The following GTF2F1 variants were observed in gnomAD, a reference collection of about 807,000 sequenced individuals.
GTF2F1 encodes the protein general transcription factor IIF subunit 1, also known as general transcription factor IIF 74 kDa subunit.
GTF2F1 carries 39 observed loss-of-function variants against 63.5 expected under a neutral mutation model. The ratio of observed to expected loss-of-function variants is 0.61; its 90% CI spans 0.48 to 0.80. The LOEUF (loss-of-function observed/expected upper bound fraction) is 0.80. Ranked by LOEUF, GTF2F1 falls within the 30% of genes least tolerant of loss-of-function variation. The probability of loss-of-function intolerance (pLI) is 0.00; values close to 1 mark genes in which losing one functional copy is unlikely to be tolerated. For synonymous variants in GTF2F1, 287 were observed against 285.3 expected (o/e 1.01, Z -0.06); for missense variants, 657 against 718.3 (o/e 0.91, Z 0.97).
chr19:6,389,647 C>T lies in GTF2F1; in HGVS notation c.133-10G>A. The T allele has an allele frequency of 1.9e-6, 3 of 1,611,478 alleles. No homozygotes were observed. Among genetic ancestry groups the T allele is most frequent in the Non-Finnish European group, 8.5e-7 (1 of 1,179,058 alleles). ...CCCGCTCCAGCCGAGCCTAGGGGAG[C>T]AGGAAGCAAAGCCTCTCAGGGTCCC... On this transcript the variant is annotated splice_polypyrimidine_tract_variant and intron_variant, in intron 3 of 12. Transcript: ENST00000394456.
intron 3 of GTF2F1, 55 bp downstream of exon 3, chr19:6,391,847 A>G: frequency 1.2e-6 from 1 of 860,492 alleles, no homozygotes; most frequent in Admixed American, 2.5e-5. Flanking sequence ...CACCAAGGTC[A>G]GGGTCAAGTT....
intron 5 of GTF2F1, chr19:6,387,168 T>G: frequency 1.9e-6 from 1 of 529,288 alleles, no homozygotes; most frequent in Non-Finnish European, 3.3e-6. Flanking sequence ...GAGCTCCGGG[T>G]CACAGACTCT....
intron 6 of GTF2F1, among the ~76,000 whole-genome samples, chr19:6,382,321 C>A (rs1249914974): frequency 6.6e-6 from 1 of 151,914 alleles, no homozygotes; most frequent in Non-Finnish European, 1.5e-5. Flanking sequence ...TGAGTGAGAC[C>A]CCAGTCTCTA....
Position 6,391,829 on chromosome 19 carries a change from A to G in GTF2F1, c.132+73T>C, listed in dbSNP as rs1270492525. 4 of 733,362 alleles carry G rather than the reference A, an allele frequency of 5.5e-6. No individual in the cohort carries two copies. In the East Asian group the frequency reaches 1.1e-4, roughly 20 times the overall value. 45.4% of individuals were successfully genotyped at this position (733,362 alleles called of 1,614,324 possible). A position where few individuals can be genotyped will look rare whatever the true frequency, so the allele number is the denominator to read the frequency against. ...TAGTGACTATGACAGTTAAGCAACT[A>G]TCACAACCACCAAGGTCAGGGTCAA... On this transcript the variant is annotated intron_variant, in intron 3 of 12. Transcript: ENST00000394456.
chr19:6,380,831 T>C lies in GTF2F1; in HGVS notation c.1231+73A>G, dbSNP rs1224330503. 6.6e-7 allele frequency: 1 copy of C among 1,504,802 alleles called. No individual in the cohort carries two copies. The highest frequency in any genetic ancestry group is 8.9e-7 in the Non-Finnish European group (1 of 1,125,200). 93.2% of individuals were successfully genotyped at this position (1,504,802 alleles called of 1,614,324 possible). A position where few individuals can be genotyped will look rare whatever the true frequency, so the allele number is the denominator to read the frequency against. On this transcript the variant is annotated intron_variant, in intron 11 of 12. Coordinates refer to ENST00000394456, the MANE Select transcript of GTF2F1 (RefSeq NM_002096.3). The surrounding 1 kb of genome is among the most constrained non-coding windows in gnomAD (Gnocchi z 5.3). Reference sequence around the variant, plus strand: ...TCCACCCGCATCTCCATCCCCTCTCTGTCCTGAGCCCCAACAGAGGTCAGG... The same window carrying C: ...TCCACCCGCATCTCCATCCCCTCTCCGTCCTGAGCCCCAACAGAGGTCAGG...
In GTF2F1 at chr19:6,381,557, T is replaced by C; in HGVS notation, c.895A>G (p.Lys299Glu). 6.2e-7 allele frequency: 1 copy of C among 1,613,182 alleles called. No homozygotes were observed. Among genetic ancestry groups the C allele is most frequent in the Non-Finnish European group, 8.5e-7 (1 of 1,180,004 alleles). Residue 299 changes from lysine (K) to glutamate (E), a missense_variant, in exon 8 of 13, where the codon AAG (lysine) becomes GAG (glutamate). Transcript: ENST00000394456. The surrounding 1 kb of genome is among the most constrained non-coding windows in gnomAD (Gnocchi z 4.1). ...AKAPQQEEGP[K>E]GVDEQSDSSE... is the part of the protein sequence containing the mutation. ...GGCCCGCCCAGCCATCGCCTACCCT[T>C]GGGCCCCTCCTCCTGCTGCGGCGCC...
At chr19:6,392,772 G>A in intron 2 of GTF2F1, 85 bp downstream of exon 2, 4 of 1,349,632 alleles carry the variant, frequency 3.0e-6, no homozygotes, top group Non-Finnish European at 4.3e-6. Context: ...CCACAGACAG[G>A]GCCAGAAATG....
At chr19:6,386,886 G>A (rs573972197) in intron 5 of GTF2F1, 15 of 158,486 alleles carry the variant, frequency 9.5e-5, no homozygotes, top group Non-Finnish European at 1.7e-4. Flanking sequence ...GTGGCCCTAC[G>A]GTCTCATCCA....
Position 6,381,102 on chromosome 19 carries a change from G to A in GTF2F1, c.1092+20C>T, listed in dbSNP as rs113322069. 1.1e-4 allele frequency: 182 copies of A among 1,608,834 alleles called. No homozygotes were observed. The African/African-American group carries it at 1.9e-3, about 17-fold the overall frequency. Reference sequence around the variant, plus strand: ...GCAAACAGACGCCCAGGCCTCCCCCGCCACCGGGCTGGGCCTTACCGCCAT... The same window carrying A: ...GCAAACAGACGCCCAGGCCTCCCCCACCACCGGGCTGGGCCTTACCGCCAT... On this transcript the variant is annotated intron_variant, in intron 10 of 12. Coordinates refer to ENST00000394456, the MANE Select transcript of GTF2F1 (RefSeq NM_002096.3). This position sits in a 1 kb window ranked among gnomAD's most constrained non-coding sequence, Gnocchi z 4.1.
intron 6 of GTF2F1, among the ~76,000 whole-genome samples, chr19:6,382,697 C>T (rs1253887017): frequency 2.7e-5 from 4 of 148,860 alleles, no homozygotes; most frequent in Admixed American, 6.8e-5. Context: ...ACTCAGGAGG[C>T]TGAGGTGGGA....
At position 6,380,289 on chromosome 19, in the gene GTF2F1, T is replaced by G. The variant is rs1413783354; in HGVS notation, c.1546A>C (p.Lys516Gln). The change falls in exon 13 of 13, where the codon AAG (lysine) becomes CAG (glutamine). Residue 516 changes from lysine (K) to glutamine (Q), a missense_variant. This residue lies in a region of GTF2F1 where 55 missense variants were observed against 92.6 expected (regional missense o/e 0.59). Transcript: ENST00000394456. This position sits in a 1 kb window ranked among gnomAD's most constrained non-coding sequence, Gnocchi z 5.3. The part of the protein sequence containing the change: ...MINDKMHFSL[K>Q]E Reference sequence around the variant, plus strand: ...ATGTATTGGACCAAGCCTCACTCCTTGAGGGAGAAGTGCATTTTGTCGTTG... The same window carrying G: ...ATGTATTGGACCAAGCCTCACTCCTGGAGGGAGAAGTGCATTTTGTCGTTG... 1.2e-6 allele frequency: 2 copies of G among 1,613,956 alleles called. No homozygotes were observed.
At position 6,385,395 on chromosome 19, in the gene GTF2F1, CAAAAAAAA is replaced by C. The variant is rs10602439; in HGVS notation, c.498-1908_498-1901del. On this transcript the variant is annotated intron_variant, in intron 5 of 12. Transcript: ENST00000394456. ...AGCCTGGGTGACAGTGAGACTGTCT[CAAAAAAAA>C]AAAAAAAAAAAAAAAAAAAGAGATG... 1.8e-4 allele frequency among the ~76,000 whole-genome samples: 7 copies of C among 37,974 alleles called. No homozygotes were observed. In the East Asian group the frequency reaches 4.1e-3, roughly 22 times the overall value. 24.9% of individuals were successfully genotyped at this position (37,974 alleles called of 152,430 possible). A position where few individuals can be genotyped will look rare whatever the true frequency, so the allele number is the denominator to read the frequency against.
rs1174964158 is a variant in GTF2F1 at position 6,383,826 on chromosome 19, T to C, written c.498-331A>G. ...TTTTTTTATTTTCTGAGACAGAGTA[T>C]CGCTCTGTCGCCCAGACTGGAGTGC... On this transcript the variant is annotated intron_variant, in intron 5 of 12. Coordinates refer to ENST00000394456, the MANE Select transcript of GTF2F1 (RefSeq NM_002096.3). This position sits in a 1 kb window ranked among gnomAD's most constrained non-coding sequence, Gnocchi z 4.5. Among the ~76,000 whole-genome samples, 1 of 152,172 alleles carries C rather than the reference T, an allele frequency of 6.6e-6. No homozygotes were observed.
At chr19:6,388,728 A>G (rs1367825454) in intron 4 of GTF2F1, among the ~76,000 whole-genome samples, 1 of 152,178 alleles carries the variant, frequency 6.6e-6, no homozygotes, top group Non-Finnish European at 1.5e-5. Flanking sequence ...TAGGAGGATC[A>G]CTTGACCCCA....
Position 6,380,919 on chromosome 19 carries a change from T to G in GTF2F1, c.1216A>C (p.Ser406Arg). Residue 406 changes from serine (S) to arginine (R), a missense_variant, in exon 11 of 13, where the codon AGC (serine) becomes CGC (arginine). Around this residue, in one of 2 missense-constraint regions of GTF2F1, gnomAD observed 602 missense variants for 625.6 expected, o/e 0.96. Transcript: ENST00000394456. This position sits in a 1 kb window ranked among gnomAD's most constrained non-coding sequence, Gnocchi z 5.3. ...GGGCACTCACCTTGCTCGAGTTTGC[T>G]GGCAGCCGCCCGCAGGGTGGAGGAG... ...STSSTLRAAA[S>R]KLEQGKRVSE... is the part of the protein sequence containing the mutation. 1 of 1,567,800 alleles carries G rather than the reference T, an allele frequency of 6.4e-7. No homozygotes were observed. The highest frequency in any genetic ancestry group is 8.6e-7 in the Non-Finnish European group (1 of 1,158,802).
At chr19:6,389,707 G>T in intron 3 of GTF2F1, 70 bp from the exon 4 acceptor site, 1 of 1,369,366 alleles carries the variant, frequency 7.3e-7, no homozygotes, top group African/African-American at 1.4e-5. Context: ...CTCCAGGAAC[G>T]CCCTTCCTTG....
At chr19:6,388,979 C>T (rs565416611) in intron 4 of GTF2F1, among the ~76,000 whole-genome samples, 1 of 151,684 alleles carries the variant, frequency 6.6e-6, no homozygotes, top group South Asian at 2.1e-4. Flanking sequence ...CGGTGGCTCA[C>T]GCCTGTAATC....
chr19:6,385,117 G>A (rs756177919), intron 5 of GTF2F1, among the ~76,000 whole-genome samples: 19 of 151,982 alleles, frequency 1.3e-4, no homozygotes, highest in Middle Eastern at 3.4e-3. Context: ...CATTCTGGCC[G>A]GGCACCATGG....
intron 4 of GTF2F1, among the ~76,000 whole-genome samples, chr19:6,388,717 G>A (rs2091983498): frequency 6.6e-6 from 1 of 152,186 alleles, no homozygotes; most frequent in African/African-American, 2.4e-5. Context: ...GGAGACCAAG[G>A]TAGGAGGATC....
Sources: gnomAD v4.1 joint callset for allele counts (sites outside exome capture counted in the v4.1 genomes callset) on GRCh38, gnomAD v4.1.1 for gene constraint, gnomAD v4.1.1 regional missense constraint, Gnocchi (gnomAD v3.1) non-coding constraint, MANE v1.5 for transcripts, NCBI Gene and HGNC (gene_info 2026-07-23, HGNC 2026-07-21) for gene names.